Variants in CC2D2A observed in about 807,000 individuals in gnomAD.
The protein encoded by CC2D2A is coiled-coil and C2 domain containing 2A, also known as coiled-coil and C2 domain-containing protein 2A.
Under a neutral mutation model 212.9 loss-of-function variants are expected in CC2D2A, and 155 were observed. The observed-to-expected ratio is 0.73, with a 90% CI of 0.64 to 0.83. The LOEUF (loss-of-function observed/expected upper bound fraction) is 0.83. CC2D2A is among the 40% of genes least tolerant of loss of function. The pLI, the probability that CC2D2A is intolerant of heterozygous loss-of-function variation, is 0.00. For missense variants in CC2D2A, 1,856 were observed against 1,956.2 expected (o/e 0.95, Z 0.97); for synonymous variants, 667 against 686.5 (o/e 0.97, Z 0.44).
intron 6 of CC2D2A, among the ~76,000 whole-genome samples, chr4:15,507,760 G>T (rs748101120): frequency 6.6e-6 from 1 of 152,220 alleles, no homozygotes; most frequent in Non-Finnish European, 1.5e-5. Flanking sequence ...TGGGCTTGGA[G>T]AACGTAACAG....
At chr4:15,543,221 A>T (rs558987456) in intron 17 of CC2D2A, among the ~76,000 whole-genome samples, 24 of 152,198 alleles carry the variant, frequency 1.6e-4, no homozygotes, top group African/African-American at 5.8e-4. Flanking sequence ...CATAGCTGAA[A>T]TTTTTTTCTT....
rs1560183220 is a variant in CC2D2A, at chr4:15,560,592, TGATAG to T, written c.2985_2989del (p.Met995IlefsTer42). On this transcript the variant is annotated frameshift_variant, in exon 23 of 37. Transcript: ENST00000424120. LOFTEE classifies it high-confidence loss of function. The stretch of plus-strand genomic sequence containing the variant: ...AAACAATATTTTCTTCTTGCTGATA[TGATAG>T]TAGAAGAAGAAGTTCCCAATATCAG... 6.7e-7 allele frequency: 1 copy of T among 1,498,806 alleles called. No individual in the cohort carries two copies. The highest frequency in any genetic ancestry group is 1.8e-5 in the Admixed American group (1 of 55,030). The allele number at this position is 1,498,806 out of a possible 1,614,324, so 92.8% of individuals were successfully genotyped here.
intron 8 of CC2D2A, among the ~76,000 whole-genome samples, chr4:15,514,294 G>A (rs750541505): frequency 8.5e-5 from 13 of 152,184 alleles, no homozygotes; most frequent in Non-Finnish European, 1.8e-4. Context: ...CAGGGTGTGT[G>A]GACTGTGCAC....
Position 15,601,473 on chromosome 4 carries a change from A to T in CC2D2A, c.*48A>T. Reference sequence around the variant, plus strand: ...ATCATGTAAAAACTACACTTAGGATATGAGAAAATTTTAAATTATATGCAT... The same window carrying T: ...ATCATGTAAAAACTACACTTAGGATTTGAGAAAATTTTAAATTATATGCAT... On this transcript the variant is annotated 3_prime_UTR_variant, in exon 37 of 37. Coordinates refer to ENST00000424120, the MANE Select transcript of CC2D2A (RefSeq NM_001378615.1). The T allele has an allele frequency of 8.1e-7, 1 of 1,227,868 alleles. No individual in the cohort carries two copies. The highest frequency in any genetic ancestry group is 1.1e-6 in the Non-Finnish European group (1 of 919,908). 76.1% of individuals were successfully genotyped at this position (1,227,868 alleles called of 1,614,324 possible).
intron 4 of CC2D2A, among the ~76,000 whole-genome samples, chr4:15,484,070 A>C (rs1179958991): frequency 6.6e-6 from 1 of 151,772 alleles, no homozygotes; most frequent in Non-Finnish European, 1.5e-5. Context: ...GAGGGATGAG[A>C]GGAAAAAAGA....
Position 15,514,798 on chromosome 4 carries a change from C to T in CC2D2A, c.809C>T (p.Ala270Val), listed in dbSNP as rs1215752068. Residue 270 changes from alanine (A) to valine (V), a missense_variant, in exon 9 of 37, where the codon GCA becomes GTA. Ala to Val is a moderately conservative substitution (Grantham distance 64). Around this residue, in one of 5 missense-constraint regions of CC2D2A, gnomAD observed 1,512 missense variants for 1,579.3 expected, o/e 0.96. Coordinates refer to ENST00000424120, the MANE Select transcript of CC2D2A (RefSeq NM_001378615.1). ...VADDFVAVRP[A>V]DYESIHDRLQ... ...GACGATTTTGTAGCAGTCAGACCTG[C>T]AGATTATGAAAGCATCCATGATCGG... 3 of 1,613,820 alleles carry T rather than the reference C, an allele frequency of 1.9e-6. No homozygotes were observed. In the African/African-American group the frequency reaches 4.0e-5, roughly 22 times the overall value.
chr4:15,480,623 CT>C (rs1714568729), intron 3 of CC2D2A, 80 bp from the exon 4 acceptor site: 1 of 1,486,484 alleles, frequency 6.7e-7, no homozygotes, highest in Non-Finnish European at 9.0e-7. Context: ...TGTCCCCTCA[CT>C]GGTGACCCAT....
chr4:15,489,468 A>G (rs1715182669), intron 4 of CC2D2A, among the ~76,000 whole-genome samples: 1 of 152,226 alleles, frequency 6.6e-6, no homozygotes, highest in Admixed American at 6.5e-5. Flanking sequence ...AGTACTGGGA[A>G]GACTAAATTA....
Position 15,527,580 on chromosome 4 carries a change from C to G in CC2D2A, c.1283C>G (p.Ala428Gly), listed in dbSNP as rs1717578514. Residue 428 changes from alanine to glycine, a missense_variant, in exon 12 of 37, where the codon GCA (alanine) becomes GGA (glycine). Ala to Gly is a moderately conservative substitution (Grantham distance 60, BLOSUM62 0). Transcript: ENST00000424120. ...HPCFSREHVL[A>G]AKLAQLYDQY... ...TGTTTTAGCCGAGAGCATGTTTTGGCAGCCAAGCTGGCCCAGTTATATGAC... is the reference window on the plus strand; with the variant it reads ...TGTTTTAGCCGAGAGCATGTTTTGGGAGCCAAGCTGGCCCAGTTATATGAC... 1.9e-6 allele frequency: 3 copies of G among 1,613,184 alleles called. No individual in the cohort carries two copies. Among genetic ancestry groups the G allele is most frequent in the Non-Finnish European group, 2.5e-6 (3 of 1,179,584 alleles).
Position 15,567,714 on chromosome 4 carries a change from G to T in CC2D2A, c.3326G>T (p.Arg1109Leu). 1 of 1,604,458 alleles carries T rather than the reference G, an allele frequency of 6.2e-7. No homozygotes were observed. Among genetic ancestry groups the T allele is most frequent in the Non-Finnish European group, 8.5e-7 (1 of 1,177,468 alleles). The change falls in exon 26 of 37, where the codon CGA becomes CTA. Residue 1109 changes from arginine (R) to leucine (L), a missense_variant. Arg to Leu is a moderately radical substitution (Grantham distance 102). Coordinates refer to ENST00000424120, the MANE Select transcript of CC2D2A (RefSeq NM_001378615.1). ...VRPFVEVSFQ[R>L]TVCHTTTAEG... Reference sequence around the variant, plus strand: ...CCCTTTGTAGAAGTCTCTTTTCAACGAACAGTTTGCCATACGACTACGGCT... The same window carrying T: ...CCCTTTGTAGAAGTCTCTTTTCAACTAACAGTTTGCCATACGACTACGGCT...
chr4:15,528,750 A>G, intron 13 of CC2D2A, 24 bp downstream of exon 13: 2 of 1,539,140 alleles, frequency 1.3e-6, no homozygotes, highest in South Asian at 1.2e-5. Context: ...GTTAAGTGTA[A>G]CTACTTTTTT....
At position 15,537,054 on chromosome 4, in the gene CC2D2A, G is replaced by C. The variant is rs2109034111; in HGVS notation, c.1742G>C (p.Trp581Ser). The change falls in exon 15 of 37, where the codon TGG becomes TCG. Residue 581 changes from tryptophan to serine, a missense_variant. Physicochemically the swap from Trp to Ser is radical, Grantham distance 177. Coordinates refer to ENST00000424120, the MANE Select transcript of CC2D2A (RefSeq NM_001378615.1). ...GAATACAGAACGTCGTTACAACAGT[G>C]GAAGGCCTGGAGGAAAGTGCAAGTG... ...MEEYRTSLQQ[W>S]KAWRKVQRAK... 6.2e-7 allele frequency: 1 copy of C among 1,613,422 alleles called. No individual in the cohort carries two copies. Among genetic ancestry groups the C allele is most frequent in the South Asian group, 1.1e-5 (1 of 91,028 alleles).
chr4:15,550,143 T>C (rs1265950140), intron 17 of CC2D2A, among the ~76,000 whole-genome samples: 1 of 152,182 alleles, frequency 6.6e-6, no homozygotes, highest in African/African-American at 2.4e-5. Flanking sequence ...TGAGGCTGGA[T>C]TGTGTATTCT....
chr4:15,557,283 T>C, intron 20 of CC2D2A, 21 bp from the exon 21 acceptor site: 1 of 1,578,942 alleles, frequency 6.3e-7, no homozygotes. Context: ...TCTGGAGTTT[T>C]GCATTTTCCG....
chr4:15,508,087 C>G (rs1266088880), intron 6 of CC2D2A, among the ~76,000 whole-genome samples: 4 of 152,160 alleles, frequency 2.6e-5, no homozygotes, highest in Admixed American at 2.6e-4. Context: ...TTTGGGCCAT[C>G]TGTTTCTGAG....
chr4:15,515,958 G>A lies in CC2D2A; in HGVS notation c.971G>A (p.Arg324His), dbSNP rs113371687. Residue 324 changes from arginine (R) to histidine (H), a missense_variant, in exon 10 of 37, where the codon CGC (arginine) becomes CAC (histidine). By Grantham distance (29) the Arg-to-His change is conservative (BLOSUM62 0). This residue lies in a region of CC2D2A where 1,512 missense variants were observed against 1,579.3 expected (regional missense o/e 0.96). Transcript: ENST00000424120. Reference protein sequence around the residue: ...LYTGVRPEVARTNQNIMENRL... With the variant: ...LYTGVRPEVAHTNQNIMENRL... ...ACCGGGGTAAGACCAGAGGTGGCACGCACCAATCAGAACATCATGGAGAAC... is the reference window on the plus strand; with the variant it reads ...ACCGGGGTAAGACCAGAGGTGGCACACACCAATCAGAACATCATGGAGAAC... The A allele has an allele frequency of 2.0e-5, 31 of 1,581,222 alleles. No individual in the cohort carries two copies. Among genetic ancestry groups the A allele is most frequent in the African/African-American group, 1.3e-4 (10 of 74,310 alleles).
At position 15,520,917 on chromosome 4, in the gene CC2D2A, C is replaced by A. The variant is rs955525744; in HGVS notation, c.1149+4161C>A. Among the ~76,000 whole-genome samples, 8 of 152,262 alleles carry A rather than the reference C, an allele frequency of 5.3e-5. No individual in the cohort carries two copies. In the East Asian group the frequency reaches 1.5e-3, roughly 29 times the overall value. ...GACTCTCCAGTCAGACATGTCCTTC[C>A]TTCTCTCTTGGGAAGCAGCCAGTAG... is the stretch of plus-strand genomic sequence containing the variant. On this transcript the variant is annotated intron_variant, in intron 11 of 36. Coordinates refer to ENST00000424120, the MANE Select transcript of CC2D2A (RefSeq NM_001378615.1).
intron 4 of CC2D2A, chr4:15,481,131 A>G (rs1322476488): frequency 3.0e-5 from 14 of 469,644 alleles, no homozygotes; most frequent in Non-Finnish European, 5.9e-5. Flanking sequence ...TCATGAGGGC[A>G]CAACTCATGA....
At chr4:15,578,736 CT>C (rs1262458150) in intron 29 of CC2D2A, among the ~76,000 whole-genome samples, 1 of 152,142 alleles carries the variant, frequency 6.6e-6, no homozygotes, top group Non-Finnish European at 1.5e-5. Flanking sequence ...AGTGAGCCCC[CT>C]ACCTTAGCCT....
Sources: gnomAD v4.1 joint callset for allele counts (sites outside exome capture counted in the v4.1 genomes callset) on GRCh38, gnomAD v4.1.1 for gene constraint, gnomAD v4.1.1 regional missense constraint, MANE v1.5 for transcripts, NCBI Gene and HGNC (gene_info 2026-07-23, HGNC 2026-07-21) for gene names.